The following KCNN3 variants were observed in gnomAD, a reference collection of about 807,000 sequenced individuals.
The protein encoded by KCNN3 is small conductance calcium-activated potassium channel protein 3.
A neutral mutation model predicts 62.9 loss-of-function variants in KCNN3; 16 were observed. The ratio of observed to expected loss-of-function variants is 0.25; its 90% CI spans 0.17 to 0.39. The LOEUF is 0.39. Among genes scored for constraint, KCNN3 ranks in the 10% least tolerant of loss-of-function variants. KCNN3 has a pLI of 1.00. For missense variants in KCNN3, 599 were observed against 949.4 expected (o/e 0.63, Z 4.85); for synonymous variants, 370 against 389.2 (o/e 0.95, Z 0.58).
chr1:154,761,733 G>A (rs1202379561), intron 3 of KCNN3, among the ~76,000 whole-genome samples: 2 of 152,162 alleles, frequency 1.3e-5, no homozygotes, highest in Admixed American at 1.3e-4. Context: ...GAGGCCAGGA[G>A]TTCAAGACCA....
At chr1:154,723,660 T>C (rs935359728) in intron 5 of KCNN3, among the ~76,000 whole-genome samples, 1 of 152,156 alleles carries the variant, frequency 6.6e-6, no homozygotes, top group African/African-American at 2.4e-5. Flanking sequence ...ATACAAAGAA[T>C]ATTCTTGGCT....
intron 3 of KCNN3, among the ~76,000 whole-genome samples, chr1:154,759,193 G>A (rs1647885893): frequency 6.6e-6 from 1 of 152,178 alleles, no homozygotes; most frequent in Non-Finnish European, 1.5e-5. Context: ...CTGGCGCGGG[G>A]GCCCCAAGCT....
rs376762247 is a variant in KCNN3 at position 154,735,927 on chromosome 1, C to T, written c.1449-2783G>A. On this transcript the variant is annotated intron_variant, in intron 3 of 7. Coordinates refer to ENST00000271915, the MANE Select transcript of KCNN3 (RefSeq NM_002249.6). ...GGGAGAAGACGTAAAGGCAGCTCCA[C>T]GCCACAAGCCTGCAACACATAAATG... Among the ~76,000 whole-genome samples the T allele has an allele frequency of 5.1e-4, 78 of 152,318 alleles. 3 individuals carry two copies. The highest frequency in any genetic ancestry group is 1.7e-3 in the African/African-American group (70 of 41,574).
intron 5 of KCNN3, among the ~76,000 whole-genome samples, chr1:154,716,563 C>T (rs1700237063): frequency 6.6e-6 from 1 of 152,168 alleles, no homozygotes. Context: ...ATTACTAAGG[C>T]TGGATTATAT....
chr1:154,755,787 G>A (rs1333114465), intron 3 of KCNN3, among the ~76,000 whole-genome samples: 2 of 129,926 alleles, frequency 1.5e-5, no homozygotes, highest in South Asian at 2.7e-4. Flanking sequence ...AGAGAGAGAG[G>A]GGAGGAGGAG....
rs547935386 is a variant in KCNN3 at position 154,723,375 on chromosome 1, C to T, written c.1701+2541G>A. The stretch of plus-strand genomic sequence containing the variant: ...GTTCTCAGAAAAGTGAGATGTTATT[C>T]GATTAAAAAGCTACCTTAGATTCAT... On this transcript the variant is annotated intron_variant, in intron 5 of 7. Transcript: ENST00000271915. 3.3e-5 allele frequency among the ~76,000 whole-genome samples: 5 copies of T among 152,216 alleles called. No homozygotes were observed. The East Asian group carries it at 5.8e-4, about 18-fold the overall frequency.
At chr1:154,787,343 A>G (rs746780243) in intron 2 of KCNN3, among the ~76,000 whole-genome samples, 1 of 152,142 alleles carries the variant, frequency 6.6e-6, no homozygotes, top group Non-Finnish European at 1.5e-5. Flanking sequence ...GGCCAGGGCC[A>G]GGGCCAGGGC....
chr1:154,822,179 G>A lies in KCNN3; in HGVS notation c.939C>T (p.Ser313=), dbSNP rs1650926515. 2 of 1,610,618 alleles carry A rather than the reference G, an allele frequency of 1.2e-6. No homozygotes were observed. The highest frequency in any genetic ancestry group is 3.3e-4 in the Middle Eastern group (2 of 6,056). Residue 313 remains serine, a synonymous_variant, in exon 2 of 8, where the codon TCC becomes TCT. Transcript: ENST00000271915. ...ELSWGLYSKD[S]MFSLALKCLI... ...GGCATTTCAGGGCCAACGAAAACAT[G>A]GAGTCCTGCAGGAACAATGGAGAGA...
rs1571300547 is a variant in KCNN3 at position 154,812,137 on chromosome 1, C to CAGATA, written c.1029+9951_1029+9952insTATCT. On this transcript the variant is annotated intron_variant, in intron 2 of 7. Transcript: ENST00000271915. ...GAGGCACACCCCTGATTGAGAACCG[C>CAGATA]TGCCACGGGGGAAATGATCATCATT... Among the ~76,000 whole-genome samples, 3 of 152,358 alleles carry CAGATA rather than the reference C, an allele frequency of 2.0e-5. No individual in the cohort carries two copies. The East Asian group carries it at 5.8e-4, about 29-fold the overall frequency.
intron 4 of KCNN3, among the ~76,000 whole-genome samples, chr1:154,729,812 G>A (rs892154356): frequency 2.3e-4 from 35 of 152,118 alleles, no homozygotes; most frequent in Admixed American, 1.8e-3. Context: ...GCCTCCTCCC[G>A]AAATGACTCA....
chr1:154,721,559 G>A (rs757292939), intron 5 of KCNN3, among the ~76,000 whole-genome samples: 14 of 151,828 alleles, frequency 9.2e-5, no homozygotes, highest in East Asian at 1.9e-4. Context: ...CGTCGGCCTC[G>A]CAAAGTGCTG....
At position 154,859,643 on chromosome 1, in the gene KCNN3, G is replaced by T. The variant is rs369159626; in HGVS notation, c.933+9389C>A. The T allele has an allele frequency of 1.3e-5, 20 of 1,559,672 alleles. No homozygotes were observed. The African/African-American group carries it at 2.2e-4, about 17-fold the overall frequency. ...TTCAATGGCTCAAGCCAGGCAACAG[G>T]TCATCTGCTTCCTCCTCCCTACCTA... On this transcript the variant is annotated intron_variant, in intron 1 of 7. Transcript: ENST00000271915.
intron 3 of KCNN3, among the ~76,000 whole-genome samples, chr1:154,741,474 T>G (rs755052368): frequency 3.3e-5 from 5 of 152,214 alleles, no homozygotes; most frequent in Non-Finnish European, 5.9e-5. Flanking sequence ...AGTAATTCAG[T>G]GAATCATGTT....
At chr1:154,774,084 C>G (rs6699247) in intron 2 of KCNN3, among the ~76,000 whole-genome samples, 4,169 of 152,310 alleles carry the variant, frequency 0.027, 198 homozygotes, top group African/African-American at 0.096. Flanking sequence ...ATAACTGCTG[C>G]ATAGAGGTCA....
At chr1:154,763,099 T>C (rs11264255) in intron 3 of KCNN3, among the ~76,000 whole-genome samples, 96,359 of 151,958 alleles carry the variant, frequency 0.63, 32,213 homozygotes, top group East Asian at 0.79. Flanking sequence ...TGGTCTTCTC[T>C]TTCAAAAAAA....
At chr1:154,826,095 C>A (rs113191456) in intron 1 of KCNN3, among the ~76,000 whole-genome samples, 12,481 of 136,354 alleles carry the variant, frequency 0.092, 1,354 homozygotes, top group East Asian at 0.41. Context: ...ACAAAAAAAA[C>A]CAAAAAACAC....
intron 3 of KCNN3, among the ~76,000 whole-genome samples, chr1:154,740,088 T>C (rs947893327): frequency 4.6e-5 from 7 of 152,250 alleles, no homozygotes; most frequent in African/African-American, 1.7e-4. Flanking sequence ...CTTCTATGAA[T>C]TGCTTCTTTT....
At chr1:154,866,728 G>A (rs1052835531) in intron 1 of KCNN3, among the ~76,000 whole-genome samples, 2 of 152,246 alleles carry the variant, frequency 1.3e-5, no homozygotes, top group Non-Finnish European at 1.5e-5. Context: ...GAGGCAAGAA[G>A]GACCTCTCAG....
At chr1:154,864,995 G>A (rs1652899000) in intron 1 of KCNN3, among the ~76,000 whole-genome samples, 2 of 152,144 alleles carry the variant, frequency 1.3e-5, no homozygotes, top group Admixed American at 1.3e-4. Flanking sequence ...CGAGAAACAA[G>A]GCCCCTGGGT....
Sources: gnomAD v4.1 joint callset for allele counts (sites outside exome capture counted in the v4.1 genomes callset) on GRCh38, gnomAD v4.1.1 for gene constraint, MANE v1.5 for transcripts, NCBI Gene and HGNC (gene_info 2026-07-23, HGNC 2026-07-21) for gene names.